Variants in SPEF2 observed in about 807,000 individuals in gnomAD.
The protein encoded by SPEF2 is sperm flagellar and cilia associated 2.
Under a neutral mutation model 224.6 loss-of-function variants are expected in SPEF2, and 187 were observed. The ratio of observed to expected loss-of-function variants is 0.83; its 90% confidence interval spans 0.74 to 0.94. The LOEUF (loss-of-function observed/expected upper bound fraction) is 0.94, where lower values mean the gene tolerates loss of function less well. Ranked by LOEUF, SPEF2 falls within the 40% of genes least tolerant of loss-of-function variation. The pLI is 0.00. For synonymous variants in SPEF2, 715 were observed against 707.3 expected, an observed-to-expected ratio of 1.01 and a Z score of -0.17; for missense variants, 2,170 against 2,135.6, an observed-to-expected ratio of 1.02 and a Z score of -0.32.
At chr5:35,707,375 ACTTGT>A (rs1561233520) in intron 18 of SPEF2, among the ~76,000 whole-genome samples, 2 of 152,314 alleles carry the variant, frequency 1.3e-5, no homozygotes, top group Middle Eastern at 6.8e-3. Context: ...TCCCTTTTCT[ACTTGT>A]CTTAATTCTT....
At position 35,701,313 on chromosome 5, in the gene SPEF2, C is replaced by A. The variant is rs12172997; in HGVS notation, c.2398+561C>A. ...TGGGTAAAAGCACTTATTCTTGAACCTTGGCTTTCTTACATAGAAGGTATT... is the reference window on the plus strand; with the variant it reads ...TGGGTAAAAGCACTTATTCTTGAACATTGGCTTTCTTACATAGAAGGTATT... On this transcript the variant is annotated intron_variant, in intron 16 of 36. Coordinates refer to ENST00000356031, the MANE Select transcript of SPEF2 (RefSeq NM_024867.4). Among the ~76,000 whole-genome samples, 1,188 of 152,090 alleles carry A rather than the reference C, an allele frequency of 7.8e-3. 18 individuals are homozygous for A. Among genetic ancestry groups the A allele is most frequent in the African/African-American group, 0.028 (1,148 of 41,500 alleles).
intron 4 of SPEF2, among the ~76,000 whole-genome samples, chr5:35,644,889 T>C (rs139154931): frequency 7.9e-5 from 12 of 152,354 alleles, no homozygotes; most frequent in Admixed American, 4.6e-4. Flanking sequence ...CTGAGGGAGA[T>C]AGATCAGACA....
rs191638840 is a variant in SPEF2 at position 35,789,911 on chromosome 5, G to A, written c.4448-2429G>A. The A allele has an allele frequency of 9.2e-4, 644 of 702,964 alleles. 1 individual carries two copies. The highest frequency in any genetic ancestry group is 1.6e-3 in the Non-Finnish European group (597 of 384,960). The allele number at this position is 702,964 out of a possible 1,614,324, so 43.5% of individuals were successfully genotyped here. The stretch of plus-strand genomic sequence containing the variant: ...TACTGAATGGAGCATGTTGAAATTA[G>A]AGATTTATGCCAGGTAAGCAAGAAA... On this transcript the variant is annotated intron_variant, in intron 30 of 36. Transcript: ENST00000356031.
At chr5:35,659,292 T>G in intron 8 of SPEF2, 85 bp downstream of exon 8, 1 of 1,327,178 alleles carries the variant, frequency 7.5e-7, no homozygotes, top group Non-Finnish European at 1.0e-6. Flanking sequence ...TATATTTTGT[T>G]GCCAATCATC....
chr5:35,696,720 T>A (rs1755383008), intron 14 of SPEF2, among the ~76,000 whole-genome samples: 1 of 152,098 alleles, frequency 6.6e-6, no homozygotes, highest in African/African-American at 2.4e-5. Context: ...ATATTGAAGA[T>A]GATGATGAGT....
Position 35,705,805 on chromosome 5 carries a change from A to G in SPEF2, c.2662A>G (p.Lys888Glu). The change falls in exon 18 of 37, where the codon AAA (lysine) becomes GAA (glutamate). Residue 888 changes from lysine (K) to glutamate (E), a missense_variant. Transcript: ENST00000356031. Reference sequence around the variant, plus strand: ...GACTGAAATAGCAAAAAAAAAGAATAAAGGTATTTACATTTGTTTATAGTT... The same window carrying G: ...GACTGAAATAGCAAAAAAAAAGAATGAAGGTATTTACATTTGTTTATAGTT... ...LTTEIAKKKN[K>E]VEKKLEEKEA... 6.8e-7 allele frequency: 1 copy of G among 1,468,546 alleles called. No individual in the cohort carries two copies. Among genetic ancestry groups the G allele is most frequent in the Non-Finnish European group, 9.3e-7 (1 of 1,080,558 alleles). 91.0% of individuals were successfully genotyped at this position (1,468,546 alleles called of 1,614,324 possible).
At chr5:35,658,614 G>T (rs1189004776) in intron 7 of SPEF2, among the ~76,000 whole-genome samples, 3 of 151,784 alleles carry the variant, frequency 2.0e-5, no homozygotes, top group Non-Finnish European at 2.9e-5. Context: ...TTTAAGTTCG[G>T]GGTACATGTG....
chr5:35,759,324 C>A (rs529310355), intron 24 of SPEF2, among the ~76,000 whole-genome samples: 1 of 152,168 alleles, frequency 6.6e-6, no homozygotes, highest in East Asian at 1.9e-4. Context: ...TCAAGAGGCA[C>A]AGAAAAGTCA....
Position 35,689,270 on chromosome 5 carries a change from AATTT to A in SPEF2, c.1525-1763_1525-1760del, listed in dbSNP as rs375837993. On this transcript the variant is annotated intron_variant, in intron 10 of 36. Coordinates refer to ENST00000356031, the MANE Select transcript of SPEF2 (RefSeq NM_024867.4). ...TTATTACCATACAGTTATAAATCCA[AATTT>A]ATTATACTATAGTTGTACCTAACAT... Among the ~76,000 whole-genome samples the A allele has an allele frequency of 1.6e-3, 237 of 152,276 alleles. 1 individual carries two copies. The highest frequency in any genetic ancestry group is 5.4e-3 in the African/African-American group (226 of 41,570).
chr5:35,640,485 G>T (rs1285368582), intron 2 of SPEF2, among the ~76,000 whole-genome samples: 1 of 152,156 alleles, frequency 6.6e-6, no homozygotes, highest in Non-Finnish European at 1.5e-5. Flanking sequence ...AACATGGTCT[G>T]CTTTACCTGA....
In SPEF2 at chr5:35,704,373, A is replaced by G. The variant is rs11957765; in HGVS notation, c.2399-181A>G. 0.11 allele frequency among the ~76,000 whole-genome samples: 17,132 copies of G among 152,120 alleles called. 1,410 individuals are homozygous for G. The highest frequency in any genetic ancestry group is 0.38 in the East Asian group (1,978 of 5,160). ...GTTTACTTATTTTCCCCAATTTCCA[A>G]GAAAACAATCGAATTCTTATCTCAA... On this transcript the variant is annotated intron_variant, in intron 16 of 36. Coordinates refer to ENST00000356031, the MANE Select transcript of SPEF2 (RefSeq NM_024867.4).
intron 1 of SPEF2, among the ~76,000 whole-genome samples, chr5:35,624,060 T>G (rs1482910335): frequency 6.6e-6 from 1 of 152,216 alleles, no homozygotes; most frequent in African/African-American, 2.4e-5. Context: ...TGTGCTCTCC[T>G]TATCACCATG....
chr5:35,676,685 T>C (rs1299473558), intron 10 of SPEF2, among the ~76,000 whole-genome samples: 2 of 151,904 alleles, frequency 1.3e-5, no homozygotes, highest in African/African-American at 4.8e-5. Flanking sequence ...GCCAAGATCG[T>C]GCCACTGCAC....
At chr5:35,618,085 T>C in intron 1 of SPEF2, 30 bp downstream of exon 1, 1 of 1,568,634 alleles carries the variant, frequency 6.4e-7, no homozygotes, top group South Asian at 1.2e-5. Flanking sequence ...GGCGAGCGTC[T>C]GAGGGGCTAG....
chr5:35,618,130 T>C, intron 1 of SPEF2, 75 bp downstream of exon 1: 1 of 1,494,852 alleles, frequency 6.7e-7, no homozygotes, highest in South Asian at 1.2e-5. Flanking sequence ...CGCAGCGCAC[T>C]CAGGGAAGGT....
At chr5:35,701,412 T>C (rs1391588504) in intron 16 of SPEF2, among the ~76,000 whole-genome samples, 1 of 152,194 alleles carries the variant, frequency 6.6e-6, no homozygotes, top group Non-Finnish European at 1.5e-5. Context: ...CTCATTGTAT[T>C]GTTATGGGTA....
At chr5:35,669,411 A>G (rs1038463360) in intron 9 of SPEF2, among the ~76,000 whole-genome samples, 1 of 151,998 alleles carries the variant, frequency 6.6e-6, no homozygotes, top group Non-Finnish European at 1.5e-5. Context: ...CTTTAAAGAG[A>G]CCTTCCTGGA....
chr5:35,710,538 T>C (rs1740897046), intron 19 of SPEF2: 1 of 971,888 alleles, frequency 1.0e-6, no homozygotes, highest in African/African-American at 1.8e-5. Flanking sequence ...GCCTGGGGGA[T>C]AGAGTGAAAC....
chr5:35,709,317 C>T, intron 19 of SPEF2, 196 bp downstream of exon 19: 3 of 1,402,500 alleles, frequency 2.1e-6, no homozygotes, highest in Non-Finnish European at 2.8e-6. Flanking sequence ...AACTTCTTTG[C>T]CATGTAGGAG....
Sources: allele counts gnomAD v4.1 joint callset (sites outside exome capture counted in the v4.1 genomes callset), GRCh38; gene constraint gnomAD v4.1.1; transcripts MANE v1.5; gene names NCBI Gene and HGNC (gene_info 2026-07-23, HGNC 2026-07-21).